Variants in EXOC4 observed in about 807,000 individuals in gnomAD.
EXOC4 encodes exocyst complex component 4.
EXOC4 carries 71 observed loss-of-function variants against 107.2 expected under a neutral mutation model. That is an observed-to-expected ratio of 0.66 (90% CI 0.55 to 0.81). The LOEUF is 0.81. Ranked by LOEUF, EXOC4 falls within the 30% of genes least tolerant of loss-of-function variation. The probability of loss-of-function intolerance (pLI) is 0.00; values close to 1 mark genes in which losing one functional copy is unlikely to be tolerated. For missense variants in EXOC4, 1,108 were observed against 1,189.6 expected, an observed-to-expected ratio of 0.93 and a Z score of 1.01; for synonymous variants, 456 against 441.2, an observed-to-expected ratio of 1.03 and a Z score of -0.42.
At chr7:133,768,161 A>G (rs905092255) in intron 10 of EXOC4, 8 of 152,024 alleles carry the variant, frequency 5.3e-5, no homozygotes, top group Non-Finnish European at 8.8e-5. Context: ...GGTAGGAAAC[A>G]ACAAACATAT....
intron 11 of EXOC4, among the ~76,000 whole-genome samples, chr7:133,843,253 T>C (rs775558764): frequency 5.3e-5 from 8 of 152,216 alleles, no homozygotes; most frequent in Non-Finnish European, 8.8e-5. Flanking sequence ...TGTAAATTGC[T>C]TTGGGCAGTA....
intron 4 of EXOC4, among the ~76,000 whole-genome samples, chr7:133,315,592 A>G (rs1794973194): frequency 6.6e-6 from 1 of 152,196 alleles, no homozygotes; most frequent in Non-Finnish European, 1.5e-5. Flanking sequence ...GAAAGAATGG[A>G]CAAATCTATT....
chr7:133,325,269 A>G (rs940826226), intron 5 of EXOC4, among the ~76,000 whole-genome samples: 1 of 152,076 alleles, frequency 6.6e-6, no homozygotes, highest in Non-Finnish European at 1.5e-5. Context: ...TTAGCTGGTT[A>G]TTTTGCTTGT....
intron 17 of EXOC4, 139 bp from the exon 18 acceptor site, chr7:134,064,152 G>T: frequency 2.2e-6 from 1 of 463,886 alleles, no homozygotes; most frequent in Non-Finnish European, 3.7e-6. Flanking sequence ...TTATTCTGTT[G>T]GTGGGGCCTA....
chr7:133,546,185 A>G (rs1268903582), intron 9 of EXOC4, among the ~76,000 whole-genome samples: 3 of 151,880 alleles, frequency 2.0e-5, no homozygotes, highest in African/African-American at 7.3e-5. Context: ...TTTATTTTTT[A>G]AGATCAGATT....
chr7:133,955,409 TG>T (rs1009246305), intron 14 of EXOC4, among the ~76,000 whole-genome samples: 10 of 152,294 alleles, frequency 6.6e-5, no homozygotes, highest in Admixed American at 6.5e-4. Context: ...GAGGAGACCC[TG>T]GAGTGGGTAG....
At chr7:133,500,265 G>C (rs1799552707) in intron 9 of EXOC4, among the ~76,000 whole-genome samples, 1 of 152,094 alleles carries the variant, frequency 6.6e-6, no homozygotes, top group African/African-American at 2.4e-5. Flanking sequence ...TCATTACCTA[G>C]AAGTTTCTTT....
At chr7:133,671,684 G>A (rs958857114) in intron 10 of EXOC4, among the ~76,000 whole-genome samples, 4 of 152,160 alleles carry the variant, frequency 2.6e-5, no homozygotes, top group Non-Finnish European at 4.4e-5. Flanking sequence ...AATGGTAAGA[G>A]ATGGTAACAG....
intron 6 of EXOC4, among the ~76,000 whole-genome samples, chr7:133,364,688 AT>A: frequency 6.6e-6 from 1 of 152,294 alleles, no homozygotes; most frequent in Non-Finnish European, 1.5e-5. Flanking sequence ...CACTCTTTAG[AT>A]AACATCACAA....
intron 11 of EXOC4, among the ~76,000 whole-genome samples, chr7:133,830,345 C>T (rs945389513): frequency 3.3e-5 from 5 of 152,192 alleles, no homozygotes; most frequent in Non-Finnish European, 7.3e-5. Flanking sequence ...GCAGCCTGCC[C>T]GAGCAGAGAG....
intron 11 of EXOC4, among the ~76,000 whole-genome samples, chr7:133,855,082 A>AATATATATAAATATATATAAAT (rs1798326358): frequency 6.4e-4 from 49 of 76,748 alleles, no homozygotes; most frequent in African/African-American, 4.1e-3. Flanking sequence ...AATATATCTA[A>AATATATATAAATATATATAAAT]ATATATATAA....
rs768209201 is a variant in EXOC4 at position 133,895,659 on chromosome 7, G to A, written c.1795G>A (p.Ala599Thr). ...CCTGAACCTGATGCATGACTTGAGTGCATATTCAGATCAATTCCTCAACAT... is the reference window on the plus strand; with the variant it reads ...CCTGAACCTGATGCATGACTTGAGTACATATTCAGATCAATTCCTCAACAT... ...DLLNLMHDLS[A>T]YSDQFLNMVC... Residue 599 changes from alanine (A) to threonine (T), a missense_variant, in exon 12 of 18, where the codon GCA becomes ACA. Coordinates refer to ENST00000253861, the MANE Select transcript of EXOC4 (RefSeq NM_021807.4). 3.1e-6 allele frequency: 5 copies of A among 1,613,842 alleles called. No individual in the cohort carries two copies. In the African/African-American group the frequency reaches 5.3e-5, roughly 17 times the overall value.
intron 9 of EXOC4, among the ~76,000 whole-genome samples, chr7:133,603,867 CTT>C (rs1447830892): frequency 2.6e-5 from 4 of 152,102 alleles, no homozygotes; most frequent in Admixed American, 6.5e-5. Flanking sequence ...CTTACTGTAA[CTT>C]TTTTCCTTTA....
intron 7 of EXOC4, among the ~76,000 whole-genome samples, chr7:133,469,911 A>T (rs1188723218): frequency 6.6e-6 from 1 of 152,204 alleles, no homozygotes; most frequent in East Asian, 1.9e-4. Context: ...TTACATGGCC[A>T]GTAGAGAATG....
chr7:133,343,867 G>C (rs1023494241), intron 5 of EXOC4, among the ~76,000 whole-genome samples: 24 of 151,318 alleles, frequency 1.6e-4, no homozygotes, highest in African/African-American at 5.8e-4. Context: ...AGGCTGGAGA[G>C]CAGTGGTGCA....
chr7:133,759,250 TG>T (rs1795985201), intron 10 of EXOC4, among the ~76,000 whole-genome samples: 1 of 152,164 alleles, frequency 6.6e-6, no homozygotes. Flanking sequence ...CCCGAAGTTT[TG>T]GGATTACAAG....
At position 133,794,301 on chromosome 7, in the gene EXOC4, T is replaced by C. The variant is rs553552997; in HGVS notation, c.1515-23024T>C. 4.6e-5 allele frequency among the ~76,000 whole-genome samples: 7 copies of C among 152,308 alleles called. 1 individual carries two copies. The South Asian group carries it at 1.5e-3, about 32-fold the overall frequency. On this transcript the variant is annotated intron_variant, in intron 10 of 17. Transcript: ENST00000253861. ...CAGTAATTTAGGTGATATTTTCATC[T>C]TTACGGTCTAGATGAGTCATAGAGT...
At chr7:133,514,472 T>C (rs1799835861) in intron 9 of EXOC4, among the ~76,000 whole-genome samples, 1 of 152,148 alleles carries the variant, frequency 6.6e-6, no homozygotes, top group South Asian at 2.1e-4. Context: ...TGGAACATCT[T>C]TATACTTAAA....
intron 17 of EXOC4, among the ~76,000 whole-genome samples, chr7:134,051,805 G>A (rs945380569): frequency 6.6e-6 from 1 of 152,072 alleles, no homozygotes; most frequent in Admixed American, 6.5e-5. Context: ...CTAACACAGT[G>A]AAACCCTGTG....
Sources: allele counts gnomAD v4.1 joint callset (sites outside exome capture counted in the v4.1 genomes callset), GRCh38; gene constraint gnomAD v4.1.1; transcripts MANE v1.5; gene names NCBI Gene and HGNC (gene_info 2026-07-23, HGNC 2026-07-21).